The following THSD7B variants were observed in gnomAD, a reference collection of about 807,000 sequenced individuals.
The protein encoded by THSD7B is thrombospondin type 1 domain containing 7B.
THSD7B carries 138 observed loss-of-function variants against 213.6 expected under a neutral mutation model. That is an observed-to-expected ratio of 0.65 (90% CI 0.56 to 0.74). THSD7B has a LOEUF of 0.74. Ranked by LOEUF, THSD7B falls within the 30% of genes least tolerant of loss-of-function variation. THSD7B has a pLI of 0.00. For missense variants in THSD7B, 1,931 were observed against 1,991.5 expected, an observed-to-expected ratio of 0.97 and a Z score of 0.58; for synonymous variants, 742 against 687.0, an observed-to-expected ratio of 1.08 and a Z score of -1.25.
At chr2:137,376,388 C>T (rs535517358) in intron 12 of THSD7B, among the ~76,000 whole-genome samples, 9 of 152,304 alleles carry the variant, frequency 5.9e-5, no homozygotes, top group African/African-American at 2.2e-4. Context: ...CAACTCTTCC[C>T]TGTGCCTTTA....
At chr2:136,900,172 AC>A (rs1213114499) in intron 2 of THSD7B, among the ~76,000 whole-genome samples, 1 of 152,166 alleles carries the variant, frequency 6.6e-6, no homozygotes, top group African/African-American at 2.4e-5. Flanking sequence ...AATTGTGTAT[AC>A]CCTTACTTTG....
chr2:137,578,467 C>G (rs909671257), intron 17 of THSD7B, among the ~76,000 whole-genome samples: 4 of 152,184 alleles, frequency 2.6e-5, no homozygotes, highest in Non-Finnish European at 5.9e-5. Context: ...GATACCTCTT[C>G]AAGCTCTGAG....
intron 12 of THSD7B, among the ~76,000 whole-genome samples, chr2:137,293,474 C>T (rs1558745890): frequency 6.6e-6 from 1 of 151,932 alleles, no homozygotes. Context: ...TGAAATACCT[C>T]ATACCTTTTC....
chr2:137,528,216 G>T (rs1680315345), intron 15 of THSD7B, among the ~76,000 whole-genome samples: 1 of 152,070 alleles, frequency 6.6e-6, no homozygotes, highest in Non-Finnish European at 1.5e-5. Flanking sequence ...GTGTTTCATT[G>T]TATAGTTTGG....
chr2:136,802,915 A>G (rs188484778), intron 1 of THSD7B, among the ~76,000 whole-genome samples: 4 of 151,878 alleles, frequency 2.6e-5, no homozygotes, highest in Admixed American at 1.3e-4. Context: ...TGGGTATGCT[A>G]CGAAACATTT....
chr2:137,144,837 T>A (rs1172318852), intron 5 of THSD7B, among the ~76,000 whole-genome samples: 2 of 152,090 alleles, frequency 1.3e-5, no homozygotes, highest in African/African-American at 2.4e-5. Context: ...TTTTATCTTT[T>A]ATTATTATTT....
intron 4 of THSD7B, among the ~76,000 whole-genome samples, chr2:137,107,030 C>A (rs1354285061): frequency 2.6e-5 from 4 of 152,150 alleles, no homozygotes; most frequent in Admixed American, 1.3e-4. Context: ...ACCCAGCAAT[C>A]CCATTACTGG....
chr2:137,127,444 G>A (rs1688651792), intron 5 of THSD7B, among the ~76,000 whole-genome samples: 1 of 152,168 alleles, frequency 6.6e-6, no homozygotes, highest in Admixed American at 6.5e-5. Flanking sequence ...ATTGTCAAAT[G>A]TACATAAGTA....
intron 1 of THSD7B, among the ~76,000 whole-genome samples, chr2:136,841,110 C>T (rs1027822505): frequency 2.0e-5 from 3 of 152,036 alleles, no homozygotes; most frequent in Non-Finnish European, 4.4e-5. Flanking sequence ...AATTTCAAAC[C>T]CCATTTTACA....
At chr2:137,459,943 C>T (rs1687852202) in intron 15 of THSD7B, among the ~76,000 whole-genome samples, 1 of 152,106 alleles carries the variant, frequency 6.6e-6, no homozygotes, top group Non-Finnish European at 1.5e-5. Context: ...TTTGTGAATA[C>T]TACCAGGGTT....
intron 12 of THSD7B, among the ~76,000 whole-genome samples, chr2:137,295,854 A>G (rs978601224): frequency 5.3e-5 from 8 of 152,110 alleles, no homozygotes; most frequent in Admixed American, 5.2e-4. Context: ...GTTTGTTTTC[A>G]TTCATATCTG....
intron 2 of THSD7B, among the ~76,000 whole-genome samples, chr2:136,952,775 GATT>G (rs1037143471): frequency 2.6e-5 from 4 of 152,006 alleles, no homozygotes; most frequent in Non-Finnish European, 5.9e-5. Context: ...TAGGCCTTGA[GATT>G]ATTTCACCTT....
At chr2:136,835,905 A>G (rs1682834093) in intron 1 of THSD7B, among the ~76,000 whole-genome samples, 1 of 152,178 alleles carries the variant, frequency 6.6e-6, no homozygotes, top group Non-Finnish European at 1.5e-5. Context: ...ATGACTGAGA[A>G]TTAATGTCTG....
intron 1 of THSD7B, among the ~76,000 whole-genome samples, chr2:136,823,965 T>C (rs1486204106): frequency 2.0e-5 from 3 of 152,200 alleles, no homozygotes; most frequent in Non-Finnish European, 4.4e-5. Flanking sequence ...TAATTACTAA[T>C]ATGTATTGAG....
At chr2:137,545,219 T>G (rs1200354590) in intron 15 of THSD7B, among the ~76,000 whole-genome samples, 1 of 151,858 alleles carries the variant, frequency 6.6e-6, no homozygotes, top group Non-Finnish European at 1.5e-5. Flanking sequence ...AAATAAAAAG[T>G]TACTTATTAC....
intron 14 of THSD7B, among the ~76,000 whole-genome samples, chr2:137,420,976 CT>C (rs1411275856): frequency 6.6e-6 from 1 of 152,158 alleles, no homozygotes; most frequent in Non-Finnish European, 1.5e-5. Context: ...CTTCCTGTGT[CT>C]TTAAATCCGG....
intron 15 of THSD7B, among the ~76,000 whole-genome samples, chr2:137,480,956 C>T (rs959946154): frequency 3.3e-5 from 5 of 152,230 alleles, no homozygotes; most frequent in African/African-American, 1.2e-4. Context: ...AGGCCTCTTA[C>T]ACGGTCATTA....
chr2:136,848,650 C>A (rs1683048063), intron 1 of THSD7B, among the ~76,000 whole-genome samples: 1 of 152,022 alleles, frequency 6.6e-6, no homozygotes, highest in Non-Finnish European at 1.5e-5. Context: ...TTTATTGTAT[C>A]TTTTAATCCA....
chr2:137,293,952 G>T (rs547034040), intron 12 of THSD7B, among the ~76,000 whole-genome samples: 1 of 152,140 alleles, frequency 6.6e-6, no homozygotes, highest in South Asian at 2.1e-4. Flanking sequence ...TCTGGCCCCT[G>T]TATTTTATTT....
Sources: gnomAD v4.1 joint callset for allele counts (sites outside exome capture counted in the v4.1 genomes callset) on GRCh38, gnomAD v4.1.1 for gene constraint, MANE v1.5 for transcripts, NCBI Gene and HGNC (gene_info 2026-07-23, HGNC 2026-07-21) for gene names.